SETD3: variants seen among roughly 807,000 people sequenced by gnomAD.
SETD3 encodes the protein actin-histidine N-methyltransferase.
Under a neutral mutation model 63.0 loss-of-function variants are expected in SETD3, and 19 were observed. That is an observed-to-expected ratio of 0.30 (90% CI 0.21 to 0.44). SETD3 has a LOEUF of 0.44. Ranked by LOEUF, SETD3 falls within the 20% of genes least tolerant of loss-of-function variation. The probability of loss-of-function intolerance (pLI) is 1.00; values close to 1 mark genes in which losing one functional copy is unlikely to be tolerated. For synonymous variants in SETD3, 286 were observed against 264.1 expected, an observed-to-expected ratio of 1.08 and a Z score of -0.80; for missense variants, 587 against 728.5, an observed-to-expected ratio of 0.81 and a Z score of 2.24.
intron 1 of SETD3, among the ~76,000 whole-genome samples, chr14:99,475,033 CA>C (rs1895900003): frequency 6.6e-6 from 1 of 151,696 alleles, no homozygotes; most frequent in African/African-American, 2.4e-5. Flanking sequence ...TGGAAGTTAC[CA>C]AAAAAACCTT....
chr14:99,460,312 C>T (rs190351448), intron 4 of SETD3, among the ~76,000 whole-genome samples: 5 of 152,196 alleles, frequency 3.3e-5, no homozygotes, highest in Admixed American at 3.3e-4. Context: ...CCAAATAACA[C>T]CCCTTCCTCC....
intron 8 of SETD3, among the ~76,000 whole-genome samples, chr14:99,408,563 T>G (rs572493774): frequency 7.4e-4 from 113 of 151,800 alleles, no homozygotes; most frequent in Non-Finnish European, 1.3e-3. Context: ...AAGAGAAAAT[T>G]TAGGGAGATT....
At chr14:99,481,453 C>T (rs143798838), upstream of SETD3, 4 of 398,718 alleles carry the variant, frequency 1.0e-5, no homozygotes, top group East Asian at 1.4e-4. Flanking sequence ...GGAGAGACGT[C>T]GCTGAGGGGC....
At chr14:99,441,171 G>T (rs1893788694) in intron 6 of SETD3, among the ~76,000 whole-genome samples, 1 of 152,218 alleles carries the variant, frequency 6.6e-6, no homozygotes. Context: ...TGTCTGTGAG[G>T]GACCCAGCCC....
chr14:99,484,321 A>G (rs1405127364), upstream of SETD3, among the ~76,000 whole-genome samples: 4 of 152,270 alleles, frequency 2.6e-5, no homozygotes, highest in African/African-American at 4.8e-5. Flanking sequence ...AACGCAGCAG[A>G]CACACAATGG....
chr14:99,468,493 A>G (rs1895519827), intron 1 of SETD3, among the ~76,000 whole-genome samples: 1 of 152,200 alleles, frequency 6.6e-6, no homozygotes, highest in Admixed American at 6.5e-5. Flanking sequence ...TGTTAATCTA[A>G]TAAGTCTCCT....
Position 99,468,955 on chromosome 14 carries a change from A to C in SETD3, c.-8-3142T>G, listed in dbSNP as rs180826893. ...AGCTCCCAGGGAAGAGCATCTGCAC[A>C]GGTCTTAGGTCAGGTTACAATCCTC... On this transcript the variant is annotated intron_variant, in intron 1 of 12. Transcript: ENST00000331768. Among the ~76,000 whole-genome samples, 198 of 152,304 alleles carry C rather than the reference A, an allele frequency of 1.3e-3. 1 individual carries two copies. Among genetic ancestry groups the C allele is most frequent in the Non-Finnish European group, 1.6e-3 (111 of 67,994 alleles).
chr14:99,462,042 G>C (rs759708603), intron 3 of SETD3, among the ~76,000 whole-genome samples: 19 of 152,206 alleles, frequency 1.2e-4, no homozygotes, highest in Non-Finnish European at 2.6e-4. Flanking sequence ...CCTGCAAGGA[G>C]GGAGGGAATG....
intron 6 of SETD3, among the ~76,000 whole-genome samples, chr14:99,440,022 TG>T (rs777882114): frequency 6.6e-6 from 1 of 152,038 alleles, no homozygotes; most frequent in Non-Finnish European, 1.5e-5. Flanking sequence ...TTACCCAGGC[TG>T]GTCTTGAACT....
chr14:99,466,164 T>C (rs1895359976), intron 1 of SETD3, among the ~76,000 whole-genome samples: 3 of 152,196 alleles, frequency 2.0e-5, no homozygotes, highest in Admixed American at 1.3e-4. Flanking sequence ...GCATACATCA[T>C]ACACATATGG....
rs1186203129 is a variant in SETD3 at position 99,480,838 on chromosome 14, G to T, written c.-119C>A. ...GCGGTGGCGGCGGCGGCGGCCGGAC[G>T]GGAGGGGCGGGACGGCAGCCTGAGA... is the stretch of plus-strand genomic sequence containing the variant. On this transcript the variant is annotated 5_prime_UTR_variant, in exon 1 of 13. Coordinates refer to ENST00000331768, the MANE Select transcript of SETD3 (RefSeq NM_032233.3). The T allele has an allele frequency of 2.5e-5, 4 of 161,114 alleles. No individual in the cohort carries two copies. Among genetic ancestry groups the T allele is most frequent in the South Asian group, 3.7e-4 (2 of 5,440 alleles). 10.0% of individuals were successfully genotyped at this position (161,114 alleles called of 1,614,324 possible). A position where few individuals can be genotyped will look rare whatever the true frequency, so the allele number is the denominator to read the frequency against.
At chr14:99,464,452 C>A (rs560582396) in intron 2 of SETD3, among the ~76,000 whole-genome samples, 1 of 152,210 alleles carries the variant, frequency 6.6e-6, no homozygotes, top group Non-Finnish European at 1.5e-5. Flanking sequence ...CTCACTGAGG[C>A]CTGGAACAGG....
intron 1 of SETD3, among the ~76,000 whole-genome samples, chr14:99,467,184 AAT>A (rs1190816889): frequency 6.6e-6 from 1 of 152,218 alleles, no homozygotes; most frequent in African/African-American, 2.4e-5. Flanking sequence ...GTAACACATT[AAT>A]ATAATAAGTC....
chr14:99,475,346 A>G (rs573701284), intron 1 of SETD3, among the ~76,000 whole-genome samples: 29 of 152,386 alleles, frequency 1.9e-4, no homozygotes, highest in African/African-American at 4.3e-4. Context: ...TGAGAAGGAT[A>G]TAAGACAGGC....
Position 99,413,007 on chromosome 14 carries a change from G to A in SETD3, c.793C>T (p.Arg265Cys), listed in dbSNP as rs779349229. The A allele has an allele frequency of 2.7e-5, 43 of 1,613,930 alleles. No individual in the cohort carries two copies. Among genetic ancestry groups the A allele is most frequent in the South Asian group, 8.8e-5 (8 of 91,090 alleles). Reference sequence around the variant, plus strand: ...AAAGGAATCAGAGCCAGGGTCACGCGGGAACCATCCTCTGTGGGAATTTGG... The same window carrying A: ...AAAGGAATCAGAGCCAGGGTCACGCAGGAACCATCCTCTGTGGGAATTTGG... Reference protein sequence around the residue: ...QNQIPTEDGSRVTLALIPLWD... With the variant: ...QNQIPTEDGSCVTLALIPLWD... The change falls in exon 8 of 13, where the codon CGC (arginine) becomes TGC (cysteine). Residue 265 changes from arginine to cysteine, a missense_variant. Transcript: ENST00000331768.
intron 1 of SETD3, among the ~76,000 whole-genome samples, chr14:99,466,884 C>A (rs939299750): frequency 2.6e-5 from 4 of 152,182 alleles, no homozygotes; most frequent in Non-Finnish European, 1.5e-5. Context: ...CAAACCACCA[C>A]GAGGATGGCC....
intron 6 of SETD3, among the ~76,000 whole-genome samples, chr14:99,452,753 C>A (rs1314218801): frequency 6.6e-6 from 1 of 152,190 alleles, no homozygotes; most frequent in Non-Finnish European, 1.5e-5. Context: ...CGGGGATGCA[C>A]AGAACTGAAT....
At chr14:99,418,750 G>C (rs2139656991) in intron 6 of SETD3, among the ~76,000 whole-genome samples, 1 of 152,306 alleles carries the variant, frequency 6.6e-6, no homozygotes, top group Middle Eastern at 3.4e-3. Context: ...GAGAGAATGG[G>C]AGCAGAGAGA....
chr14:99,482,531 A>G (rs965933158), upstream of SETD3, among the ~76,000 whole-genome samples: 1 of 152,212 alleles, frequency 6.6e-6, no homozygotes, highest in African/African-American at 2.4e-5. Flanking sequence ...TTGACTATGA[A>G]TATAATAATT....
Sources: allele counts gnomAD v4.1 joint callset (sites outside exome capture counted in the v4.1 genomes callset), GRCh38; gene constraint gnomAD v4.1.1; transcripts MANE v1.5; gene names NCBI Gene and HGNC (gene_info 2026-07-23, HGNC 2026-07-21).